KHDC4: variants seen among roughly 807,000 people sequenced by gnomAD.
KHDC4 encodes KH homology domain-containing protein 4.
In KHDC4, 19 loss-of-function variants were observed where a neutral mutation model predicts 74.5. The ratio of observed to expected loss-of-function variants is 0.26; its 90% confidence interval spans 0.18 to 0.37. The LOEUF (loss-of-function observed/expected upper bound fraction) is 0.37, where lower values mean the gene tolerates loss of function less well. Ranked by LOEUF, KHDC4 falls within the 10% of genes least tolerant of loss-of-function variation. The probability of loss-of-function intolerance (pLI) is 1.00; values close to 1 mark genes in which losing one functional copy is unlikely to be tolerated. For missense variants in KHDC4, 632 were observed against 754.1 expected (o/e 0.84, Z 1.90); for synonymous variants, 253 against 266.1 (o/e 0.95, Z 0.48).
At position 155,933,787 on chromosome 1, in the gene KHDC4, G is replaced by C. The variant is rs937080540; in HGVS notation, c.101C>G (p.Pro34Arg). The change falls in exon 2 of 14, where the codon CCA (proline) becomes CGA (arginine). Residue 34 changes from proline to arginine, a missense_variant. Transcript: ENST00000368321. ...CCCACTGCTGGTGACCTCCCCACCT[G>C]GGGCCGCTGGCGGGAGGAAGAGAAG... ...APLLFLPPAA[P>R]GGEVTSSGGS... The C allele has an allele frequency of 1.3e-6, 2 of 1,596,012 alleles. No individual in the cohort carries two copies. The highest frequency in any genetic ancestry group is 1.7e-6 in the Non-Finnish European group (2 of 1,169,734).
rs749651309 is a variant in KHDC4 at position 155,921,904 on chromosome 1, G to A, written c.969C>T (p.Tyr323=). ...ENLLQTVHAE[Y]SRFVNQINTA... ...TATTAATCTGATTCACAAATCTAGA[G>A]TATTCAGCATGAACCTGAAAGAGAG... is the stretch of plus-strand genomic sequence containing the variant. Residue 323 remains tyrosine (Y), a synonymous_variant, in exon 9 of 14, where the codon TAC becomes TAT. Coordinates refer to ENST00000368321, the MANE Select transcript of KHDC4 (RefSeq NM_014949.4). 1.2e-6 allele frequency: 2 copies of A among 1,608,130 alleles called. No individual in the cohort carries two copies. The highest frequency in any genetic ancestry group is 1.1e-5 in the South Asian group (1 of 90,588).
chr1:155,925,836 T>C lies in KHDC4; in HGVS notation c.689A>G (p.Tyr230Cys). Residue 230 changes from tyrosine to cysteine, a missense_variant, in exon 7 of 14, where the codon TAT becomes TGT. Around this residue, in one of 4 missense-constraint regions of KHDC4, gnomAD observed 233 missense variants for 342.6 expected, o/e 0.68. Coordinates refer to ENST00000368321, the MANE Select transcript of KHDC4 (RefSeq NM_014949.4). Reference sequence around the variant, plus strand: ...ACCCACAAATAATTTATCTTGAACATAATGCATCTGTAGGAAGAACAGAAT... The same window carrying C: ...ACCCACAAATAATTTATCTTGAACACAATGCATCTGTAGGAAGAACAGAAT... ...QKPPFQSGMHYVQDKLFVGLE... is the reference protein window; with the variant it reads ...QKPPFQSGMHCVQDKLFVGLE... 1 of 1,608,398 alleles carries C rather than the reference T, an allele frequency of 6.2e-7. No homozygotes were observed. The highest frequency in any genetic ancestry group is 8.5e-7 in the Non-Finnish European group (1 of 1,174,794).
intron 2 of KHDC4, among the ~76,000 whole-genome samples, chr1:155,931,384 T>A (rs201505954): frequency 6.6e-6 from 1 of 151,684 alleles, no homozygotes; most frequent in African/African-American, 2.4e-5. Context: ...TCCCAGCACT[T>A]TGGGAGGCTG....
At chr1:155,915,335 G>A (rs868497970) in intron 13 of KHDC4, 1 of 152,242 alleles carries the variant, frequency 6.6e-6, no homozygotes, top group African/African-American at 2.4e-5. Context: ...TAGCCACGCT[G>A]GTCTCAAACT....
Position 155,929,429 on chromosome 1 carries a change from G to C in KHDC4, c.385-54C>G, listed in dbSNP as rs2275077. 3,795 of 1,387,172 alleles carry C rather than the reference G, an allele frequency of 2.7e-3. 94 individuals are homozygous for C. In the East Asian group the frequency reaches 0.06, roughly 22 times the overall value. 85.9% of individuals were successfully genotyped at this position (1,387,172 alleles called of 1,614,324 possible). On this transcript the variant is annotated intron_variant, in intron 3 of 13. Transcript: ENST00000368321. Reference sequence around the variant, plus strand: ...ATGTGGCAATTGGTTGATTTCAATGGCAGACAGATTTTCTTCCCATTCATT... The same window carrying C: ...ATGTGGCAATTGGTTGATTTCAATGCCAGACAGATTTTCTTCCCATTCATT...
intron 10 of KHDC4, among the ~76,000 whole-genome samples, chr1:155,919,462 G>A (rs960802085): frequency 2.0e-5 from 3 of 152,076 alleles, no homozygotes; most frequent in African/African-American, 7.2e-5. Context: ...ATCACCTGAG[G>A]TCAGGAGTTT....
At chr1:155,926,408 C>A (rs1359310777) in intron 6 of KHDC4, 2 of 414,210 alleles carry the variant, frequency 4.8e-6, no homozygotes, top group Non-Finnish European at 8.9e-6. Context: ...CAGCTCCCTG[C>A]AACCTCCACC....
chr1:155,928,328 G>A (rs1178012020), intron 4 of KHDC4, among the ~76,000 whole-genome samples: 1 of 151,172 alleles, frequency 6.6e-6, no homozygotes, highest in East Asian at 2.0e-4. Flanking sequence ...GAGCCGAGAT[G>A]GCGCCATTGC....
At chr1:155,919,781 AG>A (rs1427400445) in intron 10 of KHDC4, 1 of 162,478 alleles carries the variant, frequency 6.2e-6, no homozygotes, top group African/African-American at 2.4e-5. Flanking sequence ...ACTGCACTCT[AG>A]CCTGGGTGAC....
In KHDC4 at chr1:155,929,778, T is replaced by C. The variant is rs889740015; in HGVS notation, c.318A>G (p.Glu106=). 4.3e-6 allele frequency: 7 copies of C among 1,612,828 alleles called. No individual in the cohort carries two copies. The highest frequency in any genetic ancestry group is 5.9e-6 in the Non-Finnish European group (7 of 1,179,498). Residue 106 remains glutamate, a synonymous_variant, in exon 3 of 14, where the codon GAA becomes GAG. Transcript: ENST00000368321. ...TGAGAGGCACATCATTAATTTCTAC[T>C]TCAGCTACCACCAGGTCATCCTTGC... ...NKSKDDLVVA[E]VEINDVPLTC...
At chr1:155,925,128 G>A (rs866746851) in intron 7 of KHDC4, among the ~76,000 whole-genome samples, 2 of 151,308 alleles carry the variant, frequency 1.3e-5, no homozygotes, top group Middle Eastern at 3.4e-3. Flanking sequence ...CCGGGTTCAC[G>A]CCATTCTCCT....
intron 10 of KHDC4, among the ~76,000 whole-genome samples, chr1:155,918,399 A>AT (rs943990354): frequency 6.1e-4 from 92 of 151,456 alleles, no homozygotes; most frequent in African/African-American, 2.0e-3. Flanking sequence ...TGCACAACTA[A>AT]TTTTTTTTTG....
At chr1:155,928,862 G>A (rs971334002) in intron 4 of KHDC4, among the ~76,000 whole-genome samples, 4 of 149,668 alleles carry the variant, frequency 2.7e-5, no homozygotes, top group Non-Finnish European at 5.9e-5. Flanking sequence ...TGAGGTAGGA[G>A]AATGGCATGA....
At chr1:155,932,874 T>C (rs1572015759) in intron 2 of KHDC4, among the ~76,000 whole-genome samples, 1 of 151,916 alleles carries the variant, frequency 6.6e-6, no homozygotes, top group Non-Finnish European at 1.5e-5. Context: ...GAGACAGAGG[T>C]TGTAGTGAGC....
intron 7 of KHDC4, among the ~76,000 whole-genome samples, chr1:155,924,572 CTCT>C (rs1238333867): frequency 2.1e-5 from 3 of 145,562 alleles, no homozygotes; most frequent in African/African-American, 7.6e-5. Context: ...TCAATAATTT[CTCT>C]TTTTTTTTTT....
Position 155,933,799 on chromosome 1 carries a change from G to T in KHDC4, c.89C>A (p.Pro30Gln). ...QPAPAPLLFL[P>Q]PAAPGGEVTS... ...GACCTCCCCACCTGGGGCCGCTGGC[G>T]GGAGGAAGAGAAGTGGGGCTGGAGC... Residue 30 changes from proline to glutamine, a missense_variant, in exon 2 of 14, where the codon CCG (proline) becomes CAG (glutamine). This residue lies in a region of KHDC4 where 104 missense variants were observed against 78.1 expected (regional missense o/e 1.33). Coordinates refer to ENST00000368321, the MANE Select transcript of KHDC4 (RefSeq NM_014949.4). The T allele has an allele frequency of 1.3e-6, 2 of 1,592,838 alleles. No individual in the cohort carries two copies. The highest frequency in any genetic ancestry group is 1.7e-6 in the Non-Finnish European group (2 of 1,168,140).
intron 2 of KHDC4, among the ~76,000 whole-genome samples, 189 bp from the exon 3 acceptor site, chr1:155,930,029 C>G (rs539561257): frequency 5.9e-5 from 9 of 152,172 alleles, no homozygotes; most frequent in Non-Finnish European, 1.3e-4. Flanking sequence ...TCTCCTGCCT[C>G]AGCCTCCTGA....
chr1:155,924,094 G>A (rs1431279738), intron 7 of KHDC4, among the ~76,000 whole-genome samples: 2 of 152,114 alleles, frequency 1.3e-5, no homozygotes, highest in Non-Finnish European at 2.9e-5. Flanking sequence ...GAGACAGGCG[G>A]ATCACGAGGT....
In KHDC4 at chr1:155,924,181, T is replaced by G. The variant is rs1031796065; in HGVS notation, c.894-494A>C. 3.9e-5 allele frequency among the ~76,000 whole-genome samples: 6 copies of G among 151,960 alleles called. No homozygotes were observed. The East Asian group carries it at 1.2e-3, about 30-fold the overall frequency. Reference sequence around the variant, plus strand: ...AAATACAAAAAATTAGCCGGGCATGTTGGCGGGTGCCTATAGTCCCAGCTA... The same window carrying G: ...AAATACAAAAAATTAGCCGGGCATGGTGGCGGGTGCCTATAGTCCCAGCTA... On this transcript the variant is annotated intron_variant, in intron 7 of 13. Coordinates refer to ENST00000368321, the MANE Select transcript of KHDC4 (RefSeq NM_014949.4).
Sources: gnomAD v4.1 joint callset for allele counts (sites outside exome capture counted in the v4.1 genomes callset) on GRCh38, gnomAD v4.1.1 for gene constraint, gnomAD v4.1.1 regional missense constraint, MANE v1.5 for transcripts, NCBI Gene and HGNC (gene_info 2026-07-23, HGNC 2026-07-21) for gene names.